The following ITPKC variants were observed in gnomAD, a reference collection of about 807,000 sequenced individuals.
The protein encoded by ITPKC is inositol-trisphosphate 3-kinase C.
ITPKC carries 33 observed loss-of-function variants against 67.1 expected under a neutral mutation model. The observed-to-expected ratio is 0.49, with a 90% CI of 0.37 to 0.66. ITPKC has a LOEUF of 0.66. ITPKC is among the 30% of genes least tolerant of loss of function. ITPKC has a pLI of 0.00. For synonymous variants in ITPKC, 341 were observed against 359.8 expected (o/e 0.95, Z 0.59); for missense variants, 820 against 892.1 (o/e 0.92, Z 1.03).
intron 5 of ITPKC, 114 bp from the exon 6 acceptor site, chr19:40,737,584 A>C: frequency 1.1e-6 from 1 of 902,018 alleles, no homozygotes; most frequent in Non-Finnish European, 1.9e-6. Context: ...CCCCTATTCC[A>C]TCCTGGCTAG....
intron 3 of ITPKC, among the ~76,000 whole-genome samples, chr19:40,729,975 C>T (rs1361058564): frequency 6.6e-6 from 1 of 152,052 alleles, no homozygotes; most frequent in Non-Finnish European, 1.5e-5. Context: ...GAGTCTTACT[C>T]TATCGCCCAG....
At chr19:40,727,347 T>TA (rs55682401) in intron 2 of ITPKC, among the ~76,000 whole-genome samples, 67,024 of 147,936 alleles carry the variant, frequency 0.45, 15,913 homozygotes, top group South Asian at 0.58. Context: ...AATAAATAAA[T>TA]AAATAAAATA....
At chr19:40,739,228 A>G in intron 6 of ITPKC, 129 bp from the exon 7 acceptor site, 1 of 658,514 alleles carries the variant, frequency 1.5e-6, no homozygotes, top group Admixed American at 2.8e-5. Flanking sequence ...GAGGTGGCAC[A>G]GCCAGGATAT....
chr19:40,739,459 C>G lies in ITPKC; in HGVS notation c.1951C>G (p.Leu651Val), dbSNP rs748718433. 6.2e-7 allele frequency: 1 copy of G among 1,613,512 alleles called. No homozygotes were observed. The highest frequency in any genetic ancestry group is 1.3e-5 in the African/African-American group (1 of 74,960). The change falls in exon 7 of 7, where the codon CTC becomes GTC. Residue 651 changes from leucine to valine, a missense_variant. By Grantham distance (32) the Leu-to-Val change is conservative. Around this residue, in one of 2 missense-constraint regions of ITPKC, gnomAD observed 339 missense variants for 422.0 expected, o/e 0.80. Transcript: ENST00000263370. ...GGTGGCCTTGCCCGACCACCAGACG[C>G]TCAGCCACAGGCTGCCCTGGGCTGA... ...KTVALPDHQTLSHRLPWAEGN... is the reference protein window; with the variant it reads ...KTVALPDHQTVSHRLPWAEGN...
chr19:40,717,148 C>A lies in ITPKC; in HGVS notation c.13C>A (p.Pro5Thr). MRRC[P>T]CRGSLNEAEA... Reference sequence around the variant, plus strand: ...CGAAGGAGCGGGCATGAGGCGCTGCCCGTGCCGTGGGAGCCTGAACGAGGC... The same window carrying A: ...CGAAGGAGCGGGCATGAGGCGCTGCACGTGCCGTGGGAGCCTGAACGAGGC... Residue 5 changes from proline (P) to threonine (T), a missense_variant, in exon 1 of 7, where the codon CCG becomes ACG. Pro to Thr is a conservative substitution (Grantham distance 38). Transcript: ENST00000263370. The A allele has an allele frequency of 8.1e-7, 1 of 1,227,076 alleles. No homozygotes were observed. The highest frequency in any genetic ancestry group is 4.1e-5 in the South Asian group (1 of 24,298). The allele number at this position is 1,227,076 out of a possible 1,614,324, so 76.0% of individuals were successfully genotyped here.
Position 40,733,251 on chromosome 19 carries a change from G to A in ITPKC, c.1561G>A (p.Ala521Thr), listed in dbSNP as rs780625200. 1 of 1,614,200 alleles carries A rather than the reference G, an allele frequency of 6.2e-7. No individual in the cohort carries two copies. The stretch of plus-strand genomic sequence containing the variant: ...GAAGATGGTGGCTGTGGACCCTGGG[G>A]CCCCTACCCCTGAGGAGCATGCCCA... Reference protein sequence around the residue: ...YEKMVAVDPGAPTPEEHAQGA... With the variant: ...YEKMVAVDPGTPTPEEHAQGA... Residue 521 changes from alanine to threonine, a missense_variant, in exon 4 of 7, where the codon GCC becomes ACC. By Grantham distance (58) the Ala-to-Thr change is moderately conservative. This residue lies in a region of ITPKC where 339 missense variants were observed against 422.0 expected (regional missense o/e 0.80). Transcript: ENST00000263370.
At chr19:40,732,221 CAGAGCA>C (rs1023463842) in intron 3 of ITPKC, among the ~76,000 whole-genome samples, 2 of 119,280 alleles carry the variant, frequency 1.7e-5, no homozygotes, top group African/African-American at 6.7e-5. Context: ...GCCTTGGTGA[CAGAGCA>C]AGACTCCATC....
At chr19:40,722,085 G>C (rs943146858) in intron 1 of ITPKC, among the ~76,000 whole-genome samples, 1 of 151,926 alleles carries the variant, frequency 6.6e-6, no homozygotes, top group Non-Finnish European at 1.5e-5. Context: ...AGCGTCTGTC[G>C]TGTGCCAGGC....
At chr19:40,718,385 TTG>T in intron 1 of ITPKC, 95 bp downstream of exon 1, 1 of 1,428,960 alleles carries the variant, frequency 7.0e-7, no homozygotes, top group Non-Finnish European at 9.2e-7. Flanking sequence ...TTACTGTTAG[TTG>T]CCCACCAGCA....
At chr19:40,718,825 A>T (rs940074868) in intron 1 of ITPKC, among the ~76,000 whole-genome samples, 1 of 152,116 alleles carries the variant, frequency 6.6e-6, no homozygotes, top group Non-Finnish European at 1.5e-5. Flanking sequence ...CTTGCATCAG[A>T]TTCGCAAAAG....
chr19:40,740,695 C>A lies in ITPKC; in HGVS notation c.*1135C>A, dbSNP rs536027278. The A allele has an allele frequency of 2.3e-5, 8 of 341,814 alleles. No individual in the cohort carries two copies. The South Asian group carries it at 1.1e-3, about 46-fold the overall frequency. 21.2% of individuals were successfully genotyped at this position (341,814 alleles called of 1,614,324 possible). On this transcript the variant is annotated 3_prime_UTR_variant, in exon 7 of 7. Coordinates refer to ENST00000263370, the MANE Select transcript of ITPKC (RefSeq NM_025194.3). ...CCTTAAGCTGAAGCTCCCACACTGT[C>A]TTCCAGGGCTGAGGAGATGCTCTCC...
In ITPKC at chr19:40,739,415, T is replaced by A. The variant is rs757259395; in HGVS notation, c.1907T>A (p.Met636Lys). 6.2e-7 allele frequency: 1 copy of A among 1,613,742 alleles called. No homozygotes were observed. Among genetic ancestry groups the A allele is most frequent in the Non-Finnish European group, 8.5e-7 (1 of 1,180,030 alleles). ...HDHTGLAKVW[M>K]IDFGKTVALP... is the part of the protein sequence containing the mutation. ...CACACCGGCCTGGCCAAGGTCTGGATGATAGACTTCGGCAAGACGGTGGCC... is the reference window on the plus strand; with the variant it reads ...CACACCGGCCTGGCCAAGGTCTGGAAGATAGACTTCGGCAAGACGGTGGCC... The change falls in exon 7 of 7, where the codon ATG (methionine) becomes AAG (lysine). Residue 636 changes from methionine (M) to lysine (K), a missense_variant. Met to Lys is a moderately conservative substitution (Grantham distance 95). Around this residue, in one of 2 missense-constraint regions of ITPKC, gnomAD observed 339 missense variants for 422.0 expected, o/e 0.80. Coordinates refer to ENST00000263370, the MANE Select transcript of ITPKC (RefSeq NM_025194.3).
intron 1 of ITPKC, among the ~76,000 whole-genome samples, chr19:40,721,464 G>A (rs866654647): frequency 2.6e-5 from 4 of 151,540 alleles, no homozygotes; most frequent in South Asian, 2.1e-4. Context: ...TCAGCCTCCC[G>A]GGTTCAAGTG....
rs145479132 is a variant in ITPKC at position 40,717,562 on chromosome 19, G to A, written c.427G>A (p.Asp143Asn). The change falls in exon 1 of 7, where the codon GAT becomes AAT. Residue 143 changes from aspartate (D) to asparagine (N), a missense_variant. Transcript: ENST00000263370. ...TTGTCTTTGGACGGAGACCGGGACA[G>A]ATGGCCTTTGGACTGATCCGCACAG... ...TTCLWTETGT[D>N]GLWTDPHRSD... 420 of 1,614,186 alleles carry A rather than the reference G, an allele frequency of 2.6e-4. No individual in the cohort carries two copies. The African/African-American group carries it at 5.1e-3, about 20-fold the overall frequency.
chr19:40,738,228 A>G lies in ITPKC; in HGVS notation c.1848+459A>G, dbSNP rs1353532509. ...CAGATCACGAGGTCAGGAGATCGAGACCATCCTGGCTAACACAGTGAAACC... is the reference window on the plus strand; with the variant it reads ...CAGATCACGAGGTCAGGAGATCGAGGCCATCCTGGCTAACACAGTGAAACC... On this transcript the variant is annotated intron_variant, in intron 6 of 6. Coordinates refer to ENST00000263370, the MANE Select transcript of ITPKC (RefSeq NM_025194.3). Among the ~76,000 whole-genome samples, 5 of 152,108 alleles carry G rather than the reference A, an allele frequency of 3.3e-5. No homozygotes were observed. The East Asian group carries it at 9.6e-4, about 29-fold the overall frequency.
chr19:40,717,577 G>A lies in ITPKC; in HGVS notation c.442G>A (p.Asp148Asn), dbSNP rs2082196696. 6.2e-7 allele frequency: 1 copy of A among 1,614,152 alleles called. No individual in the cohort carries two copies. The highest frequency in any genetic ancestry group is 1.1e-5 in the South Asian group (1 of 91,084). Residue 148 changes from aspartate to asparagine, a missense_variant, in exon 1 of 7, where the codon GAT becomes AAT. Asp to Asn is a conservative substitution (Grantham distance 23). Transcript: ENST00000263370. ...TETGTDGLWT[D>N]PHRSDLQFQP... ...GACCGGGACAGATGGCCTTTGGACTGATCCGCACAGGTCCGACCTCCAGTT... is the reference window on the plus strand; with the variant it reads ...GACCGGGACAGATGGCCTTTGGACTAATCCGCACAGGTCCGACCTCCAGTT...
rs137938894 is a variant in ITPKC, at chr19:40,737,696, A to G, written c.1777-2A>G. ...AACCAAAGAACGCTCCCTGTCACAC[A>G]GCAAAAGTACGTGGCATGCCTAGAA... On this transcript the variant is annotated splice_acceptor_variant, in intron 5 of 6. Coordinates refer to ENST00000263370, the MANE Select transcript of ITPKC (RefSeq NM_025194.3). LOFTEE classifies it high-confidence loss of function. 1 of 1,614,110 alleles carries G rather than the reference A, an allele frequency of 6.2e-7. No homozygotes were observed. Among genetic ancestry groups the G allele is most frequent in the Non-Finnish European group, 8.5e-7 (1 of 1,179,980 alleles).
chr19:40,722,312 T>G (rs2082226237), intron 1 of ITPKC, among the ~76,000 whole-genome samples: 1 of 151,848 alleles, frequency 6.6e-6, no homozygotes, highest in Non-Finnish European at 1.5e-5. Context: ...TCCCTGGGGT[T>G]GTGTTTTTAG....
intron 1 of ITPKC, among the ~76,000 whole-genome samples, chr19:40,724,197 A>G (rs1162714240): frequency 1.3e-5 from 2 of 152,190 alleles, no homozygotes; most frequent in Non-Finnish European, 2.9e-5. Flanking sequence ...GCATGAGGCC[A>G]GGAGTTCAAG....
Sources: gnomAD v4.1 joint callset for allele counts (sites outside exome capture counted in the v4.1 genomes callset) on GRCh38, gnomAD v4.1.1 for gene constraint, gnomAD v4.1.1 regional missense constraint, MANE v1.5 for transcripts, NCBI Gene and HGNC (gene_info 2026-07-23, HGNC 2026-07-21) for gene names.